The following DNAJC1 variants were observed in gnomAD, a reference collection of about 807,000 sequenced individuals.
DNAJC1 encodes DnaJ heat shock protein family (Hsp40) member C1, also known as dnaJ homolog subfamily C member 1.
DNAJC1 carries 58 observed loss-of-function variants against 76.6 expected under a neutral mutation model. That is an observed-to-expected ratio of 0.76 (90% CI 0.61 to 0.94). DNAJC1 has a LOEUF of 0.94. DNAJC1 is among the 40% of genes least tolerant of loss of function. DNAJC1 has a pLI of 0.00. For missense variants in DNAJC1, 689 were observed against 677.3 expected (o/e 1.02, Z -0.19); for synonymous variants, 258 against 267.9 (o/e 0.96, Z 0.36).
chr10:21,987,045 T>A (rs975334630), intron 1 of DNAJC1, among the ~76,000 whole-genome samples: 3 of 152,116 alleles, frequency 2.0e-5, no homozygotes, highest in African/African-American at 7.2e-5. Context: ...TGGGATTAGG[T>A]GTGAGCCACC....
chr10:21,830,090 T>C (rs1029999203), intron 8 of DNAJC1, among the ~76,000 whole-genome samples: 1 of 152,250 alleles, frequency 6.6e-6, no homozygotes, highest in African/African-American at 2.4e-5. Flanking sequence ...TCATGTATTT[T>C]AGTTTTAGTT....
At chr10:21,788,272 G>T (rs1355448410) in intron 9 of DNAJC1, among the ~76,000 whole-genome samples, 1 of 152,234 alleles carries the variant, frequency 6.6e-6, no homozygotes, top group East Asian at 1.9e-4. Flanking sequence ...CTTTGCTGGA[G>T]CCCTGCATCC....
intron 1 of DNAJC1, among the ~76,000 whole-genome samples, chr10:21,992,194 CCA>C (rs1386473983): frequency 1.3e-5 from 2 of 152,120 alleles, no homozygotes; most frequent in African/African-American, 4.8e-5. Context: ...GCCCGTAGTC[CCA>C]GTTACTTGGG....
intron 8 of DNAJC1, among the ~76,000 whole-genome samples, chr10:21,840,457 A>G (rs1835557021): frequency 6.6e-6 from 1 of 152,194 alleles, no homozygotes; most frequent in East Asian, 1.9e-4. Context: ...ATACACCAAT[A>G]ACAGACAAAC....
At position 21,890,895 on chromosome 10, in the gene DNAJC1, T is replaced by C. The variant is rs943846303; in HGVS notation, c.821-8456A>G. ...ACAGATGCCAACAAGATAAAAGAGA[T>C]ATTTAAATTACTTGGCTGGGCATGG... On this transcript the variant is annotated intron_variant, in intron 7 of 11. Transcript: ENST00000376980. Among the ~76,000 whole-genome samples the C allele has an allele frequency of 2.0e-5, 3 of 152,110 alleles. 1 individual carries two copies. The highest frequency in any genetic ancestry group is 2.0e-4 in the Admixed American group (3 of 15,272).
At chr10:21,992,840 G>C (rs1191222078) in intron 1 of DNAJC1, among the ~76,000 whole-genome samples, 2 of 152,138 alleles carry the variant, frequency 1.3e-5, no homozygotes, top group Non-Finnish European at 2.9e-5. Flanking sequence ...TTCATACAGT[G>C]GATCGTTACA....
chr10:21,847,052 G>A (rs1025705403), intron 8 of DNAJC1, among the ~76,000 whole-genome samples: 3 of 151,934 alleles, frequency 2.0e-5, no homozygotes, highest in Non-Finnish European at 4.4e-5. Context: ...ATTACTCCTA[G>A]GTCCCTTCCC....
chr10:21,965,949 T>TA (rs1235451650), intron 1 of DNAJC1, among the ~76,000 whole-genome samples: 1 of 152,204 alleles, frequency 6.6e-6, no homozygotes, highest in Non-Finnish European at 1.5e-5. Context: ...CACTATTATC[T>TA]AGAGACTTTG....
intron 9 of DNAJC1, among the ~76,000 whole-genome samples, chr10:21,773,433 C>T (rs1455568129): frequency 6.6e-6 from 1 of 152,024 alleles, no homozygotes; most frequent in Non-Finnish European, 1.5e-5. Context: ...TGTTGATTTG[C>T]CCAGATTTTT....
chr10:21,870,214 G>C (rs941419533), intron 8 of DNAJC1, among the ~76,000 whole-genome samples: 13 of 151,908 alleles, frequency 8.6e-5, no homozygotes, highest in African/African-American at 3.1e-4. Flanking sequence ...CATCTTAATA[G>C]ATGCAAAAAT....
At chr10:21,986,074 A>G (rs1838242271) in intron 1 of DNAJC1, among the ~76,000 whole-genome samples, 1 of 152,126 alleles carries the variant, frequency 6.6e-6, no homozygotes, top group African/African-American at 2.4e-5. Flanking sequence ...AAAAATACAA[A>G]AAATTAGCCG....
rs190507856 is a variant in DNAJC1 at position 21,859,086 on chromosome 10, C to A, written c.978+23196G>T. Among the ~76,000 whole-genome samples, 298 of 152,264 alleles carry A rather than the reference C, an allele frequency of 2.0e-3. 4 individuals carry two copies. Among genetic ancestry groups the A allele is most frequent in the Non-Finnish European group, 3.2e-4 (22 of 68,016 alleles). ...ATCCTCCCACTACTTGGATATTTGT[C>A]ATATTTCATTTATTCCTATCAAGTG... On this transcript the variant is annotated intron_variant, in intron 8 of 11. Transcript: ENST00000376980.
At chr10:21,932,478 C>CA (rs1251196324) in intron 1 of DNAJC1, among the ~76,000 whole-genome samples, 5 of 152,104 alleles carry the variant, frequency 3.3e-5, no homozygotes, top group East Asian at 1.9e-4. Flanking sequence ...AATAACCTGA[C>CA]AAAAAAATGT....
chr10:21,982,522 A>C (rs983871774), intron 1 of DNAJC1, among the ~76,000 whole-genome samples: 1 of 152,202 alleles, frequency 6.6e-6, no homozygotes, highest in African/African-American at 2.4e-5. Flanking sequence ...AATATCCAGA[A>C]TATATGAATA....
intron 8 of DNAJC1, among the ~76,000 whole-genome samples, chr10:21,821,702 T>C (rs1056846071): frequency 6.6e-6 from 1 of 152,198 alleles, no homozygotes; most frequent in African/African-American, 2.4e-5. Flanking sequence ...GCTTTAAAGT[T>C]AGAAGTCCAC....
chr10:21,985,117 T>C (rs1167620335), intron 1 of DNAJC1, among the ~76,000 whole-genome samples: 3 of 152,174 alleles, frequency 2.0e-5, no homozygotes, highest in Non-Finnish European at 2.9e-5. Flanking sequence ...AAGAGTATAA[T>C]TCATTTTAAT....
At chr10:21,868,158 CTT>C (rs1214684908) in intron 8 of DNAJC1, among the ~76,000 whole-genome samples, 1 of 143,924 alleles carries the variant, frequency 6.9e-6, no homozygotes, top group East Asian at 2.1e-4. Context: ...GAGTTTCGCT[CTT>C]GTTGCCCAGG....
At chr10:21,803,784 G>T (rs1834846647) in intron 9 of DNAJC1, 1 of 925,870 alleles carries the variant, frequency 1.1e-6, no homozygotes, top group Non-Finnish European at 1.3e-6. Flanking sequence ...GCATTTTTTT[G>T]TACAACAAAA....
At chr10:21,979,932 G>A (rs1838126283) in intron 1 of DNAJC1, among the ~76,000 whole-genome samples, 1 of 151,472 alleles carries the variant, frequency 6.6e-6, no homozygotes, top group African/African-American at 2.4e-5. Flanking sequence ...TATGACTTTT[G>A]CAGTCAAAAG....
Sources: allele counts gnomAD v4.1 joint callset (sites outside exome capture counted in the v4.1 genomes callset), GRCh38; gene constraint gnomAD v4.1.1; transcripts MANE v1.5; gene names NCBI Gene and HGNC (gene_info 2026-07-23, HGNC 2026-07-21).